KLHL1: variants seen among roughly 807,000 people sequenced by gnomAD.
KLHL1 encodes kelch like family member 1, also known as kelch-like protein 1.
In KLHL1, 47 loss-of-function variants were observed where a neutral mutation model predicts 77.7. The ratio of observed to expected loss-of-function variants is 0.60; its 90% confidence interval spans 0.48 to 0.77. The LOEUF is 0.77. KLHL1 is among the 30% of genes least tolerant of loss of function. KLHL1 has a pLI of 0.00. For synonymous variants in KLHL1, 360 were observed against 325.2 expected (o/e 1.11, Z -1.15); for missense variants, 925 against 910.8 (o/e 1.02, Z -0.20).
chr13:69,877,025 A>G (rs556352821), intron 5 of KLHL1, among the ~76,000 whole-genome samples: 1 of 152,102 alleles, frequency 6.6e-6, no homozygotes, highest in East Asian at 1.9e-4. Flanking sequence ...CAACAAGAGC[A>G]TAACTCTGTC....
chr13:70,085,836 C>A (rs903290735), intron 1 of KLHL1, among the ~76,000 whole-genome samples: 1 of 152,204 alleles, frequency 6.6e-6, no homozygotes, highest in South Asian at 2.1e-4. Context: ...TGCACTCCAG[C>A]GTGGAAACAG....
chr13:70,041,374 A>C (rs752875235), intron 1 of KLHL1, among the ~76,000 whole-genome samples: 3 of 152,208 alleles, frequency 2.0e-5, no homozygotes, highest in Non-Finnish European at 4.4e-5. Context: ...TCTGTGCTTT[A>C]GCATAAGACA....
rs115536153 is a variant in KLHL1, at chr13:69,849,280, A to C, written c.1228-10118T>G. Among the ~76,000 whole-genome samples, 783 of 151,712 alleles carry C rather than the reference A, an allele frequency of 5.2e-3. 6 individuals carry two copies. The highest frequency in any genetic ancestry group is 0.017 in the African/African-American group (708 of 41,502). The stretch of plus-strand genomic sequence containing the variant: ...TAGGCTATATTTAAGAGTATACATT[A>C]GTTTGTTATTGTTTGTAAGACATTA... On this transcript the variant is annotated intron_variant, in intron 5 of 10. Coordinates refer to ENST00000377844, the MANE Select transcript of KLHL1 (RefSeq NM_020866.3).
At chr13:69,840,614 C>T (rs1879208810) in intron 5 of KLHL1, among the ~76,000 whole-genome samples, 1 of 151,674 alleles carries the variant, frequency 6.6e-6, no homozygotes, top group Admixed American at 6.6e-5. Context: ...ACATTCTTGG[C>T]TCAGTTTCCT....
rs1013772237 is a variant in KLHL1 at position 69,734,877 on chromosome 13, T to G, written c.1802+5517A>C. Among the ~76,000 whole-genome samples, 5 of 152,282 alleles carry G rather than the reference T, an allele frequency of 3.3e-5. No individual in the cohort carries two copies. In the East Asian group the frequency reaches 5.8e-4, roughly 18 times the overall value. ...CATGCTCAAGAAAATACACTTCTCA[T>G]GATTAAAGTCAATTATAGCAGATAA... On this transcript the variant is annotated intron_variant, in intron 8 of 10. Transcript: ENST00000377844.
chr13:69,809,582 T>A (rs186076811), intron 6 of KLHL1, among the ~76,000 whole-genome samples: 70 of 152,156 alleles, frequency 4.6e-4, no homozygotes, highest in African/African-American at 1.6e-3. Context: ...AATGAAAGGA[T>A]TATACTTGCT....
chr13:69,888,063 C>T (rs531043055), intron 4 of KLHL1, among the ~76,000 whole-genome samples: 2 of 152,210 alleles, frequency 1.3e-5, no homozygotes, highest in Non-Finnish European at 1.5e-5. Flanking sequence ...ACTGGAAAGT[C>T]CAACATCAAG....
At position 70,038,581 on chromosome 13, in the gene KLHL1, A is replaced by ATTTTTTT. The variant is rs55885952; in HGVS notation, c.498-62786_498-62780dup. Among the ~76,000 whole-genome samples, 166 of 73,034 alleles carry ATTTTTTT rather than the reference A, an allele frequency of 2.3e-3. 1 individual carries two copies. The highest frequency in any genetic ancestry group is 3.8e-3 in the East Asian group (7 of 1,836). 47.9% of individuals were successfully genotyped at this position (73,034 alleles called of 152,430 possible). On this transcript the variant is annotated intron_variant, in intron 1 of 10. Transcript: ENST00000377844. ...TTGCCAGCATTTGGGATTGTCATTA[A>ATTTTTTT]TTTTTTTTTTTTTTTTTTTTTTTTG...
chr13:69,880,519 A>G (rs1202555597), intron 5 of KLHL1, among the ~76,000 whole-genome samples: 2 of 152,194 alleles, frequency 1.3e-5, no homozygotes, highest in African/African-American at 4.8e-5. Flanking sequence ...AGAATATTTT[A>G]TATCTTAATT....
chr13:69,863,482 G>GA (rs56316232), intron 5 of KLHL1, among the ~76,000 whole-genome samples: 13 of 149,930 alleles, frequency 8.7e-5, no homozygotes, highest in Admixed American at 2.7e-4. Flanking sequence ...GAGTGTATAT[G>GA]AAAAAAAAAC....
chr13:69,728,140 T>G (rs1412868100), intron 8 of KLHL1, among the ~76,000 whole-genome samples: 1 of 152,142 alleles, frequency 6.6e-6, no homozygotes. Flanking sequence ...TTTTTTTTCT[T>G]TCTTTTTTAA....
Position 70,025,140 on chromosome 13 carries a change from G to A in KLHL1, c.498-49338C>T, listed in dbSNP as rs116556869. Among the ~76,000 whole-genome samples, 695 of 152,082 alleles carry A rather than the reference G, an allele frequency of 4.6e-3. 6 individuals are homozygous for A. Among genetic ancestry groups the A allele is most frequent in the African/African-American group, 0.016 (672 of 41,542 alleles). On this transcript the variant is annotated intron_variant, in intron 1 of 10. Coordinates refer to ENST00000377844, the MANE Select transcript of KLHL1 (RefSeq NM_020866.3). Reference sequence around the variant, plus strand: ...TTCATTATCTCCACTATTTGAAGCTGCCACTCATTTAAATTATAGTTAAGG... The same window carrying A: ...TTCATTATCTCCACTATTTGAAGCTACCACTCATTTAAATTATAGTTAAGG...
chr13:69,959,883 C>A (rs1339691098), intron 3 of KLHL1, among the ~76,000 whole-genome samples: 1 of 151,910 alleles, frequency 6.6e-6, no homozygotes, highest in East Asian at 1.9e-4. Flanking sequence ...TCCCTCTGAC[C>A]TTGGCACTTA....
chr13:69,795,888 C>T (rs901589738), intron 7 of KLHL1, among the ~76,000 whole-genome samples: 4 of 152,166 alleles, frequency 2.6e-5, no homozygotes, highest in African/African-American at 4.8e-5. Context: ...TCCTCTTCCC[C>T]ACAGATTTTT....
At chr13:69,974,196 A>T (rs1884476632) in intron 2 of KLHL1, among the ~76,000 whole-genome samples, 1 of 151,726 alleles carries the variant, frequency 6.6e-6, no homozygotes, top group African/African-American at 2.4e-5. Flanking sequence ...TTAAAAACTA[A>T]TTTTTCGTAT....
At chr13:70,035,496 G>GA (rs1220971920) in intron 1 of KLHL1, among the ~76,000 whole-genome samples, 1 of 151,620 alleles carries the variant, frequency 6.6e-6, no homozygotes, top group Non-Finnish European at 1.5e-5. Context: ...AAAATAAATA[G>GA]AAAAAACATG....
At chr13:69,783,086 C>G (rs533550889) in intron 7 of KLHL1, among the ~76,000 whole-genome samples, 1 of 152,342 alleles carries the variant, frequency 6.6e-6, no homozygotes, top group East Asian at 1.9e-4. Flanking sequence ...GGACCTCTAG[C>G]AAATTCCAAC....
At chr13:70,009,191 C>A (rs1398624044) in intron 1 of KLHL1, among the ~76,000 whole-genome samples, 1 of 151,956 alleles carries the variant, frequency 6.6e-6, no homozygotes, top group African/African-American at 2.4e-5. Context: ...AGACATAAGA[C>A]AAACCAAGGA....
intron 1 of KLHL1, among the ~76,000 whole-genome samples, chr13:70,090,349 G>A (rs1887643430): frequency 6.6e-6 from 1 of 151,842 alleles, no homozygotes; most frequent in South Asian, 2.1e-4. Context: ...GAGTTTGAGG[G>A]CTTTTTAATA....
Sources: gnomAD v4.1 joint callset for allele counts (sites outside exome capture counted in the v4.1 genomes callset) on GRCh38, gnomAD v4.1.1 for gene constraint, MANE v1.5 for transcripts, NCBI Gene and HGNC (gene_info 2026-07-23, HGNC 2026-07-21) for gene names.